SIPA1L1: variants seen among roughly 807,000 people sequenced by gnomAD.
The protein encoded by SIPA1L1 is signal-induced proliferation-associated 1-like protein 1.
In SIPA1L1, 26 loss-of-function variants were observed where a neutral mutation model predicts 162.7. The ratio of observed to expected loss-of-function variants is 0.16; its 90% CI spans 0.12 to 0.22. The LOEUF (loss-of-function observed/expected upper bound fraction) is 0.22, where lower values mean the gene tolerates loss of function less well. Ranked by LOEUF, SIPA1L1 falls within the 10% of genes least tolerant of loss-of-function variation. The pLI is 1.00. For missense variants in SIPA1L1, 1,874 were observed against 2,241.0 expected (o/e 0.84, Z 3.31); for synonymous variants, 829 against 837.4 (o/e 0.99, Z 0.17).
rs761756006 is a variant in SIPA1L1 at position 71,672,343 on chromosome 14, T to G, written c.2830-5T>G. ...AACCACAGTATCTTTTATTTCCTTG[T>G]CTAGTTTGTTTCAAAAGGCTGTGAA... is the stretch of plus-strand genomic sequence containing the variant. On this transcript the variant is annotated splice_region_variant and splice_polypyrimidine_tract_variant and intron_variant, in intron 11 of 23. Coordinates refer to ENST00000381232, the MANE Select transcript of SIPA1L1 (RefSeq NM_001386936.1). 3.7e-6 allele frequency: 6 copies of G among 1,613,830 alleles called. No individual in the cohort carries two copies. In the Admixed American group the frequency reaches 1.0e-4, roughly 27 times the overall value.
intron 19 of SIPA1L1, among the ~76,000 whole-genome samples, chr14:71,729,415 C>T (rs1045066164): frequency 5.9e-5 from 9 of 152,170 alleles, no homozygotes; most frequent in East Asian, 3.8e-4. Context: ...TTATCTACCT[C>T]GATAGGTTCA....
At chr14:71,381,341 C>T (rs1283174408) in intron 2 of SIPA1L1, among the ~76,000 whole-genome samples, 4 of 152,170 alleles carry the variant, frequency 2.6e-5, no homozygotes, top group Non-Finnish European at 5.9e-5. Flanking sequence ...CATGAGCCAC[C>T]ATGCCTGGCC....
At chr14:71,365,268 C>T (rs1173581954) in intron 2 of SIPA1L1, among the ~76,000 whole-genome samples, 3 of 152,166 alleles carry the variant, frequency 2.0e-5, no homozygotes, top group Non-Finnish European at 4.4e-5. Flanking sequence ...CCTGCCTCAG[C>T]CTCCCAAAGT....
At chr14:71,606,996 T>A (rs1428737971) in intron 5 of SIPA1L1, among the ~76,000 whole-genome samples, 1 of 151,804 alleles carries the variant, frequency 6.6e-6, no homozygotes, top group Non-Finnish European at 1.5e-5. Flanking sequence ...CCATAGAAGA[T>A]GTGACACCAA....
In SIPA1L1 at chr14:71,618,368, A is replaced by G. The variant is rs145473002; in HGVS notation, c.1499-389A>G. On this transcript the variant is annotated intron_variant, in intron 5 of 23. Coordinates refer to ENST00000381232, the MANE Select transcript of SIPA1L1 (RefSeq NM_001386936.1). ...CCCCTTTCTTCAAACTCTGTTCTCA[A>G]TATGTTTAGAATGTTTTTGAAAAAC... Among the ~76,000 whole-genome samples the G allele has an allele frequency of 1.8e-3, 267 of 152,310 alleles. 2 individuals are homozygous for G. The highest frequency in any genetic ancestry group is 6.0e-3 in the East Asian group (31 of 5,186).
rs375331219 is a variant in SIPA1L1 at position 71,682,838 on chromosome 14, A to G, written c.3105-2524A>G. ...TTATTTTATTATCTGCCTGATGCAA[A>G]ATGGACTTAAAACAGCCTATGAAAG... On this transcript the variant is annotated intron_variant, in intron 12 of 23. Transcript: ENST00000381232. Among the ~76,000 whole-genome samples the G allele has an allele frequency of 2.6e-5, 4 of 152,212 alleles. No homozygotes were observed. The East Asian group carries it at 7.7e-4, about 29-fold the overall frequency.
At chr14:71,642,397 C>T (rs760770356) in intron 7 of SIPA1L1, among the ~76,000 whole-genome samples, 2 of 152,066 alleles carry the variant, frequency 1.3e-5, no homozygotes, top group African/African-American at 2.4e-5. Context: ...ACCTCTGGTG[C>T]GAATAGTTTC....
chr14:71,504,463 C>T (rs2050493581), intron 2 of SIPA1L1, among the ~76,000 whole-genome samples: 1 of 152,098 alleles, frequency 6.6e-6, no homozygotes, highest in Non-Finnish European at 1.5e-5. Flanking sequence ...TTCTCTACCT[C>T]CTTTTCTGTT....
chr14:71,660,986 G>A (rs1200650117), intron 9 of SIPA1L1, among the ~76,000 whole-genome samples: 1 of 152,142 alleles, frequency 6.6e-6, no homozygotes, highest in Admixed American at 6.5e-5. Context: ...TGTGGCACGT[G>A]TTTTTCTTAT....
rs538750915 is a variant in SIPA1L1 at position 71,435,840 on chromosome 14, G to A, written c.-464-76903G>A. Among the ~76,000 whole-genome samples, 7 of 152,284 alleles carry A rather than the reference G, an allele frequency of 4.6e-5. No homozygotes were observed. The East Asian group carries it at 1.4e-3, about 29-fold the overall frequency. Reference sequence around the variant, plus strand: ...CTCCACATCCTCTCCAGCACCTGTTGTTGCCTAACTTTTTAATGGTCACCA... The same window carrying A: ...CTCCACATCCTCTCCAGCACCTGTTATTGCCTAACTTTTTAATGGTCACCA... On this transcript the variant is annotated intron_variant, in intron 2 of 23. Coordinates refer to ENST00000381232, the MANE Select transcript of SIPA1L1 (RefSeq NM_001386936.1).
At chr14:71,455,746 G>A (rs1295863739) in intron 2 of SIPA1L1, among the ~76,000 whole-genome samples, 1 of 152,120 alleles carries the variant, frequency 6.6e-6, no homozygotes, top group Non-Finnish European at 1.5e-5. Flanking sequence ...CACATAGTTC[G>A]TAAGGGCCTG....
intron 2 of SIPA1L1, chr14:71,330,820 T>C (rs1378392416): frequency 3.1e-6 from 2 of 640,864 alleles, no homozygotes; most frequent in East Asian, 2.7e-5. Flanking sequence ...ATTCTAGATA[T>C]TAACACCTTA....
intron 2 of SIPA1L1, among the ~76,000 whole-genome samples, chr14:71,493,973 A>G (rs1222171492): frequency 6.6e-6 from 1 of 152,238 alleles, no homozygotes; most frequent in East Asian, 1.9e-4. Context: ...GCAATAGCAC[A>G]GGGGCTTTTG....
At chr14:71,634,278 TG>T (rs747839704) in intron 7 of SIPA1L1, among the ~76,000 whole-genome samples, 1 of 151,644 alleles carries the variant, frequency 6.6e-6, no homozygotes, top group Non-Finnish European at 1.5e-5. Flanking sequence ...GGCGGGCACC[TG>T]TAATCCCAGC....
intron 14 of SIPA1L1, among the ~76,000 whole-genome samples, chr14:71,699,397 T>C (rs1234939499): frequency 6.6e-6 from 1 of 152,246 alleles, no homozygotes; most frequent in African/African-American, 2.4e-5. Flanking sequence ...ATATATTGTT[T>C]AGTTTCACAG....
chr14:71,519,763 TTGAG>T (rs1293215961), intron 3 of SIPA1L1, among the ~76,000 whole-genome samples: 1 of 152,004 alleles, frequency 6.6e-6, no homozygotes, highest in African/African-American at 2.4e-5. Context: ...GCCCAGGAGT[TTGAG>T]TGAGTTATGA....
chr14:71,661,881 T>G (rs1338601376), intron 10 of SIPA1L1, among the ~76,000 whole-genome samples: 1 of 152,256 alleles, frequency 6.6e-6, no homozygotes, highest in Non-Finnish European at 1.5e-5. Flanking sequence ...CTGACTTACT[T>G]GATTCACGTT....
chr14:71,623,890 A>G (rs1246069445), intron 6 of SIPA1L1, among the ~76,000 whole-genome samples, 158 bp from the exon 7 acceptor site: 1 of 152,152 alleles, frequency 6.6e-6, no homozygotes, highest in Non-Finnish European at 1.5e-5. Flanking sequence ...AGTATCCTAC[A>G]TCACTTTTCT....
intron 2 of SIPA1L1, among the ~76,000 whole-genome samples, chr14:71,427,271 C>T (rs145394808): frequency 1.7e-3 from 259 of 152,130 alleles, no homozygotes; most frequent in Non-Finnish European, 3.4e-3. Flanking sequence ...TCATTTCGCA[C>T]CCACTTTTGA....
Sources: allele counts gnomAD v4.1 joint callset (sites outside exome capture counted in the v4.1 genomes callset), GRCh38; gene constraint gnomAD v4.1.1; transcripts MANE v1.5; gene names NCBI Gene and HGNC (gene_info 2026-07-23, HGNC 2026-07-21).